The following CRACDL variants were observed in gnomAD, a reference collection of about 807,000 sequenced individuals.
The protein encoded by CRACDL is CRACD-like protein.
CRACDL carries 26 observed loss-of-function variants against 70.6 expected under a neutral mutation model. That is an observed-to-expected ratio of 0.37 (90% CI 0.27 to 0.51). CRACDL has a LOEUF of 0.51. CRACDL is among the 20% of genes least tolerant of loss of function. The pLI is 0.94. For missense variants in CRACDL, 1,283 were observed against 1,376.9 expected (o/e 0.93, Z 1.08); for synonymous variants, 618 against 615.2 (o/e 1.00, Z -0.07).
chr2:98,919,697 G>A (rs1708753761), intron 1 of CRACDL, among the ~76,000 whole-genome samples: 1 of 152,158 alleles, frequency 6.6e-6, no homozygotes. Flanking sequence ...TTTCTAGTCT[G>A]TTCCATGGGC....
At chr2:98,858,856 G>T (rs1706818971) in intron 1 of CRACDL, among the ~76,000 whole-genome samples, 1 of 152,104 alleles carries the variant, frequency 6.6e-6, no homozygotes, top group African/African-American at 2.4e-5. Flanking sequence ...GGAATATTAT[G>T]TATTACTGTA....
intron 1 of CRACDL, among the ~76,000 whole-genome samples, chr2:98,864,701 C>A (rs1707065689): frequency 6.6e-6 from 1 of 152,140 alleles, no homozygotes; most frequent in Non-Finnish European, 1.5e-5. Flanking sequence ...CAGCCACCAC[C>A]ATGCCTGGCT....
rs141576503 is a variant in CRACDL at position 98,918,138 on chromosome 2, G to A, written c.-11+17800C>T. 5.9e-4 allele frequency among the ~76,000 whole-genome samples: 90 copies of A among 152,300 alleles called. 1 individual carries two copies. The highest frequency in any genetic ancestry group is 2.0e-3 in the African/African-American group (84 of 41,548). On this transcript the variant is annotated intron_variant, in intron 1 of 9. Coordinates refer to ENST00000397899, the MANE Select transcript of CRACDL (RefSeq NM_207362.3). ...TCCTTTTCCTTAGGGTAGATACCCA[G>A]CAGTAGGATTACTGAATTGGATGGT... is the stretch of plus-strand genomic sequence containing the variant.
At chr2:98,814,056 T>C (rs909451389) in intron 7 of CRACDL, among the ~76,000 whole-genome samples, 4 of 152,206 alleles carry the variant, frequency 2.6e-5, no homozygotes, top group Non-Finnish European at 5.9e-5. Context: ...ATAATGTTTG[T>C]AATTTGTGTC....
rs1705185541 is a variant in CRACDL, at chr2:98,823,484, T to C, written c.789A>G (p.Glu263=). The C allele has an allele frequency of 6.3e-7, 1 of 1,594,766 alleles. No individual in the cohort carries two copies. Among genetic ancestry groups the C allele is most frequent in the African/African-American group, 1.3e-5 (1 of 74,784 alleles). ...SDLTCTPEEE[E]NEEKPLLEVS... ...CTTCCAAAAGTGGCTTCTCCTCGTT[T>C]TCCTCCTCCTCTGGGGTGCACGTCA... is the stretch of plus-strand genomic sequence containing the variant. The change falls in exon 7 of 10, where the codon GAA becomes GAG. Residue 263 remains glutamate, a synonymous_variant. Transcript: ENST00000397899. This position sits in a 1 kb window ranked among gnomAD's most constrained non-coding sequence, Gnocchi z 4.0.
chr2:98,880,517 C>A (rs1017318308), intron 1 of CRACDL, among the ~76,000 whole-genome samples: 1 of 152,212 alleles, frequency 6.6e-6, no homozygotes, highest in African/African-American at 2.4e-5. Context: ...ATGGGCACGG[C>A]GGGCAGGTGG....
chr2:98,925,870 C>T (rs772214783), intron 1 of CRACDL, among the ~76,000 whole-genome samples: 3 of 152,036 alleles, frequency 2.0e-5, no homozygotes, highest in African/African-American at 4.8e-5. Context: ...CACACACATG[C>T]GCGCGCACAC....
chr2:98,867,896 G>C (rs1707206821), intron 1 of CRACDL, among the ~76,000 whole-genome samples: 1 of 152,142 alleles, frequency 6.6e-6, no homozygotes, highest in South Asian at 2.1e-4. Flanking sequence ...CATTTATCTA[G>C]AACCCTACAT....
At chr2:98,928,481 C>T (rs1023557397) in intron 1 of CRACDL, among the ~76,000 whole-genome samples, 1 of 152,090 alleles carries the variant, frequency 6.6e-6, no homozygotes, top group Non-Finnish European at 1.5e-5. Context: ...GTTCAGAGCC[C>T]CAGACAGCTG....
intron 7 of CRACDL, among the ~76,000 whole-genome samples, chr2:98,812,064 C>T (rs867750071): frequency 1.3e-5 from 2 of 152,340 alleles, no homozygotes; most frequent in Middle Eastern, 3.4e-3. Context: ...CAACCTCCAC[C>T]TCCTGGGTTC....
intron 1 of CRACDL, among the ~76,000 whole-genome samples, chr2:98,896,842 G>A (rs1708139220): frequency 6.6e-6 from 1 of 152,132 alleles, no homozygotes; most frequent in Non-Finnish European, 1.5e-5. Context: ...GAGGGATGAG[G>A]AAGGGGCTTT....
chr2:98,860,090 T>C (rs796720356), intron 1 of CRACDL, among the ~76,000 whole-genome samples: 7 of 152,272 alleles, frequency 4.6e-5, no homozygotes, highest in African/African-American at 1.7e-4. Flanking sequence ...GGAGTAAGTT[T>C]AACCAAGGAG....
intron 1 of CRACDL, among the ~76,000 whole-genome samples, chr2:98,930,788 T>C (rs574914117): frequency 6.6e-6 from 1 of 152,308 alleles, no homozygotes; most frequent in East Asian, 1.9e-4. Flanking sequence ...CCTTTATTGC[T>C]TTAGGGAACA....
intron 1 of CRACDL, among the ~76,000 whole-genome samples, chr2:98,871,308 C>A (rs1247140822): frequency 6.6e-6 from 1 of 152,208 alleles, no homozygotes; most frequent in East Asian, 1.9e-4. Context: ...GCCCTGGGCT[C>A]ATTTTCATTC....
chr2:98,895,798 C>T (rs1194464206), intron 1 of CRACDL, among the ~76,000 whole-genome samples: 2 of 152,118 alleles, frequency 1.3e-5, no homozygotes, highest in African/African-American at 4.8e-5. Flanking sequence ...GTGTTGAAAT[C>T]TTAACCCCAA....
Position 98,809,161 on chromosome 2 carries a change from G to A in CRACDL, c.2417-11624C>T, listed in dbSNP as rs142601298. 4.9e-3 allele frequency among the ~76,000 whole-genome samples: 739 copies of A among 152,316 alleles called. 7 individuals are homozygous for A. Among genetic ancestry groups the A allele is most frequent in the African/African-American group, 0.017 (705 of 41,552 alleles). On this transcript the variant is annotated intron_variant, in intron 7 of 9. Transcript: ENST00000397899. ...TGAGGCTATGACTCCTGAATGCAGG[G>A]TGTCTGAGTTGGGGCGGAGACTCCT...
intron 1 of CRACDL, among the ~76,000 whole-genome samples, chr2:98,921,319 G>C (rs1314595085): frequency 6.6e-6 from 1 of 152,224 alleles, no homozygotes; most frequent in Non-Finnish European, 1.5e-5. Context: ...TGCCGATACT[G>C]GGCCAATCTG....
At position 98,845,251 on chromosome 2, in the gene CRACDL, C is replaced by T. The variant is rs187786389; in HGVS notation, c.70+1480G>A. On this transcript the variant is annotated intron_variant, in intron 2 of 9. Coordinates refer to ENST00000397899, the MANE Select transcript of CRACDL (RefSeq NM_207362.3). The stretch of plus-strand genomic sequence containing the variant: ...CTTGCTTGTTGCCCAGGCTGGAGTG[C>T]AGTGGCATAATCATGGCCCACTGTA... 3.7e-3 allele frequency among the ~76,000 whole-genome samples: 547 copies of T among 148,650 alleles called. 2 individuals carry two copies. The highest frequency in any genetic ancestry group is 7.1e-3 in the Middle Eastern group (2 of 282).
At chr2:98,889,424 A>C (rs574212582) in intron 1 of CRACDL, among the ~76,000 whole-genome samples, 2 of 152,332 alleles carry the variant, frequency 1.3e-5, no homozygotes, top group South Asian at 4.1e-4. Flanking sequence ...AAATTACTAC[A>C]GACAAAGTGG....
Sources: allele counts gnomAD v4.1 joint callset (sites outside exome capture counted in the v4.1 genomes callset), GRCh38; gene constraint gnomAD v4.1.1; non-coding constraint Gnocchi (gnomAD v3.1); transcripts MANE v1.5; gene names NCBI Gene and HGNC (gene_info 2026-07-23, HGNC 2026-07-21).